Variants in ANKS1B observed in about 807,000 individuals in gnomAD.
ANKS1B encodes the protein ankyrin repeat and sterile alpha motif domain containing 1B.
In ANKS1B, 36 loss-of-function variants were observed where a neutral mutation model predicts 148.3. The ratio of observed to expected loss-of-function variants is 0.24; its 90% CI spans 0.19 to 0.32. ANKS1B has a LOEUF of 0.32. ANKS1B is among the 10% of genes least tolerant of loss of function. The pLI, the probability that ANKS1B is intolerant of heterozygous loss-of-function variation, is 1.00. For synonymous variants in ANKS1B, 542 were observed against 560.8 expected, an observed-to-expected ratio of 0.97 and a Z score of 0.47; for missense variants, 1,157 against 1,542.6, an observed-to-expected ratio of 0.75 and a Z score of 4.19.
intron 11 of ANKS1B, among the ~76,000 whole-genome samples, chr12:99,429,410 C>T (rs899427800): frequency 3.6e-4 from 54 of 152,104 alleles, no homozygotes; most frequent in Non-Finnish European, 3.1e-4. Flanking sequence ...AAATAGCTGA[C>T]CTGTTATATT....
intron 17 of ANKS1B, among the ~76,000 whole-genome samples, chr12:99,011,129 T>A (rs917441715): frequency 6.6e-6 from 1 of 152,090 alleles, no homozygotes. Flanking sequence ...CTGCAGCCTA[T>A]TATCCCTGCA....
At chr12:99,861,552 A>G (rs1399829339) in intron 1 of ANKS1B, among the ~76,000 whole-genome samples, 1 of 152,144 alleles carries the variant, frequency 6.6e-6, no homozygotes, top group East Asian at 1.9e-4. Flanking sequence ...CTTCATGGTT[A>G]TATTTTTTTC....
intron 19 of ANKS1B, among the ~76,000 whole-genome samples, chr12:98,824,474 C>T (rs1334679453): frequency 1.3e-5 from 2 of 152,056 alleles, no homozygotes; most frequent in Non-Finnish European, 2.9e-5. Flanking sequence ...GGGTCTGAAC[C>T]GATAGTCATA....
At chr12:99,558,593 T>C (rs1309408936) in intron 9 of ANKS1B, among the ~76,000 whole-genome samples, 1 of 152,096 alleles carries the variant, frequency 6.6e-6, no homozygotes, top group Non-Finnish European at 1.5e-5. Context: ...CCAGTAGTCA[T>C]GCACAGACTG....
intron 11 of ANKS1B, among the ~76,000 whole-genome samples, chr12:99,410,848 A>G (rs894070692): frequency 1.3e-5 from 2 of 152,138 alleles, no homozygotes; most frequent in African/African-American, 4.8e-5. Flanking sequence ...TTCTCTCTCT[A>G]GATCTGTTAT....
At chr12:99,842,173 A>AATAATATAATATAAAT (rs2085851636) in intron 1 of ANKS1B, among the ~76,000 whole-genome samples, 1 of 152,102 alleles carries the variant, frequency 6.6e-6, no homozygotes, top group Non-Finnish European at 1.5e-5. Flanking sequence ...ATTATTATAT[A>AATAATATAATATAAAT]CACAGCCTGT....
chr12:98,749,838 C>G (rs1416126427), intron 26 of ANKS1B, among the ~76,000 whole-genome samples: 1 of 152,018 alleles, frequency 6.6e-6, no homozygotes, highest in Non-Finnish European at 1.5e-5. Context: ...GTGGCCCCGA[C>G]TGGAAGAGAG....
chr12:99,132,816 G>A (rs1339018052), intron 15 of ANKS1B, among the ~76,000 whole-genome samples: 1 of 152,110 alleles, frequency 6.6e-6, no homozygotes, highest in Non-Finnish European at 1.5e-5. Context: ...TGAGGATCAA[G>A]TTTAAATAAA....
intron 1 of ANKS1B, among the ~76,000 whole-genome samples, chr12:99,953,366 T>A (rs1308507593): frequency 6.6e-6 from 1 of 152,146 alleles, no homozygotes; most frequent in Non-Finnish European, 1.5e-5. Flanking sequence ...ACATACCATT[T>A]GGTGATTAGG....
chr12:99,723,123 C>T (rs979711223), intron 8 of ANKS1B, among the ~76,000 whole-genome samples: 12 of 152,222 alleles, frequency 7.9e-5, no homozygotes, highest in African/African-American at 2.9e-4. Context: ...TCTGCTTAAG[C>T]CTGCTGAGTT....
chr12:99,128,376 A>G (rs1338855912), intron 15 of ANKS1B, among the ~76,000 whole-genome samples: 1 of 152,188 alleles, frequency 6.6e-6, no homozygotes, highest in Non-Finnish European at 1.5e-5. Context: ...CTGTTGCTGC[A>G]TGGGTGATGA....
rs1050115457 is a variant in ANKS1B, at chr12:98,894,792, C to A, written c.2779-62656G>T. 3.0e-6 allele frequency: 3 copies of A among 984,890 alleles called. No homozygotes were observed. In the East Asian group the frequency reaches 3.4e-4, roughly 112 times the overall value. The allele number at this position is 984,890 out of a possible 1,614,324, so 61.0% of individuals were successfully genotyped here. A position where few individuals can be genotyped will look rare whatever the true frequency, so the allele number is the denominator to read the frequency against. On this transcript the variant is annotated intron_variant, in intron 17 of 26. Transcript: ENST00000683438. The stretch of plus-strand genomic sequence containing the variant: ...ATGCGAGCGGCGAGGCGAGGGCGAG[C>A]GCGCCGAGGAAGGGCGGGAGAGGCG...
intron 12 of ANKS1B, among the ~76,000 whole-genome samples, chr12:99,273,023 T>C (rs950727996): frequency 1.3e-5 from 2 of 152,144 alleles, no homozygotes; most frequent in East Asian, 3.9e-4. Context: ...CCTCTACAGA[T>C]AGTTGCAATC....
Position 99,886,596 on chromosome 12 carries a change from A to T in ANKS1B, c.135-61207T>A, listed in dbSNP as rs578147347. Among the ~76,000 whole-genome samples, 99 of 152,290 alleles carry T rather than the reference A, an allele frequency of 6.5e-4. No individual in the cohort carries two copies. The Middle Eastern group carries it at 0.01, about 16-fold the overall frequency. The stretch of plus-strand genomic sequence containing the variant: ...CATACCATCAACAAAGTTTCTTAGC[A>T]AATGTCCATCAAAAGATAACAAATA... On this transcript the variant is annotated intron_variant, in intron 1 of 26. Coordinates refer to ENST00000683438, the MANE Select transcript of ANKS1B (RefSeq NM_001352186.2).
At chr12:99,671,136 A>T (rs992268521) in intron 8 of ANKS1B, among the ~76,000 whole-genome samples, 1 of 152,296 alleles carries the variant, frequency 6.6e-6, no homozygotes, top group South Asian at 2.1e-4. Context: ...TGCATGAAGT[A>T]TATCTTATCT....
chr12:98,906,903 ATGTATTCAAGG>A, intron 17 of ANKS1B, among the ~76,000 whole-genome samples: 1 of 152,224 alleles, frequency 6.6e-6, no homozygotes, highest in South Asian at 2.1e-4. Flanking sequence ...GTACACCTGT[ATGTATTCAAGG>A]TGTATGATAT....
chr12:99,143,865 C>T (rs2071941409), intron 15 of ANKS1B, among the ~76,000 whole-genome samples: 1 of 152,018 alleles, frequency 6.6e-6, no homozygotes, highest in African/African-American at 2.4e-5. Context: ...TTTTGTTTGT[C>T]CAGGGCTCAG....
At chr12:98,906,708 G>A (rs2099779565) in intron 17 of ANKS1B, among the ~76,000 whole-genome samples, 1 of 152,148 alleles carries the variant, frequency 6.6e-6, no homozygotes, top group South Asian at 2.1e-4. Context: ...CAAATCTGGG[G>A]ATATTAATTA....
chr12:99,926,848 A>C (rs1398813074), intron 1 of ANKS1B, among the ~76,000 whole-genome samples: 1 of 152,140 alleles, frequency 6.6e-6, no homozygotes, highest in Non-Finnish European at 1.5e-5. Flanking sequence ...TATTGTGTTT[A>C]CTATCTTGTC....
Sources: allele counts gnomAD v4.1 joint callset (sites outside exome capture counted in the v4.1 genomes callset), GRCh38; gene constraint gnomAD v4.1.1; transcripts MANE v1.5; gene names NCBI Gene and HGNC (gene_info 2026-07-23, HGNC 2026-07-21).